CCDC88C: variants seen among roughly 807,000 people sequenced by gnomAD.
CCDC88C encodes the protein coiled-coil and HOOK domain protein 88C.
In CCDC88C, 131 loss-of-function variants were observed where a neutral mutation model predicts 198.8. That is an observed-to-expected ratio of 0.66 (90% CI 0.57 to 0.76). The LOEUF (loss-of-function observed/expected upper bound fraction) is 0.76. Among genes scored for constraint, CCDC88C ranks in the 30% least tolerant of loss-of-function variants. CCDC88C has a pLI of 0.00. For synonymous variants in CCDC88C, 1,166 were observed against 1,114.7 expected (o/e 1.05, Z -0.92); for missense variants, 2,553 against 2,631.6 (o/e 0.97, Z 0.65).
intron 23 of CCDC88C, among the ~76,000 whole-genome samples, chr14:91,293,339 C>G (rs1596031526): frequency 6.8e-6 from 1 of 147,120 alleles, no homozygotes; most frequent in Non-Finnish European, 1.5e-5. Context: ...CCAAAGCTCA[C>G]CTTCCTGTCC....
intron 3 of CCDC88C, among the ~76,000 whole-genome samples, chr14:91,367,079 A>G (rs1894576595): frequency 6.6e-6 from 1 of 152,252 alleles, no homozygotes; most frequent in South Asian, 2.1e-4. Context: ...AGAAATGGGA[A>G]GAATTATTTT....
chr14:91,369,457 C>T (rs1223757347), intron 3 of CCDC88C, among the ~76,000 whole-genome samples: 1 of 152,212 alleles, frequency 6.6e-6, no homozygotes, highest in African/African-American at 2.4e-5. Context: ...CCACCCACCT[C>T]GGCCTCCCAA....
chr14:91,294,112 A>C, intron 23 of CCDC88C, 61 bp downstream of exon 23: 1 of 1,595,412 alleles, frequency 6.3e-7, no homozygotes, highest in Non-Finnish European at 8.6e-7. Flanking sequence ...GGACCTCCAG[A>C]GACTGAGGAT....
At chr14:91,402,999 G>A (rs1485223815) in intron 3 of CCDC88C, among the ~76,000 whole-genome samples, 1 of 152,114 alleles carries the variant, frequency 6.6e-6, no homozygotes, top group African/African-American at 2.4e-5. Flanking sequence ...TGAGCTGATC[G>A]TAAACTCTAA....
intron 3 of CCDC88C, chr14:91,408,086 T>G (rs184987895): frequency 6.5e-6 from 1 of 153,188 alleles, no homozygotes; most frequent in African/African-American, 2.4e-5. Flanking sequence ...CCTGGGATAT[T>G]AAAGAGCAAA....
Position 91,338,892 on chromosome 14 carries a change from A to C in CCDC88C, c.810-322T>G. 1 of 478,026 alleles carries C rather than the reference A, an allele frequency of 2.1e-6. No homozygotes were observed. Among genetic ancestry groups the C allele is most frequent in the South Asian group, 2.2e-5 (1 of 46,098 alleles). 29.6% of individuals were successfully genotyped at this position (478,026 alleles called of 1,614,324 possible). On this transcript the variant is annotated intron_variant, in intron 8 of 29. Coordinates refer to ENST00000389857, the MANE Select transcript of CCDC88C (RefSeq NM_001080414.4). The surrounding 1 kb of genome is among the most constrained non-coding windows in gnomAD (Gnocchi z 4.8). ...TCCACAGGTGACATCCATCAGCTGC[A>C]GGAAACCTGGGAGAACAGGCTCACC...
intron 12 of CCDC88C, 85 bp downstream of exon 12, chr14:91,324,694 G>T: frequency 6.7e-7 from 1 of 1,492,586 alleles, no homozygotes; most frequent in African/African-American, 1.4e-5. Flanking sequence ...GGGCTAACAT[G>T]GCAGATTCAG....
At position 91,325,501 on chromosome 14, in the gene CCDC88C, A is replaced by AGCAACAAACCCAGTAGCT. The variant is rs1297629353; in HGVS notation, c.1197+391_1197+408dup. On this transcript the variant is annotated intron_variant, in intron 11 of 29. Transcript: ENST00000389857. The surrounding 1 kb of genome is among the most constrained non-coding windows in gnomAD (Gnocchi z 4.1). ...CAGTGGCAGCAGCAACGGCAGTAGC[A>AGCAACAAACCCAGTAGCT]GCAACAAACCCAGTAGCTAAACTAT... Among the ~76,000 whole-genome samples, 6 of 152,346 alleles carry AGCAACAAACCCAGTAGCT rather than the reference A, an allele frequency of 3.9e-5. No individual in the cohort carries two copies. Among genetic ancestry groups the AGCAACAAACCCAGTAGCT allele is most frequent in the Non-Finnish European group, 7.3e-5 (5 of 68,038 alleles).
chr14:91,335,947 G>A lies in CCDC88C; in HGVS notation c.1050+2058C>T, dbSNP rs557974084. On this transcript the variant is annotated intron_variant, in intron 10 of 29. Transcript: ENST00000389857. ...CAGTGGCCTGGACTTAATCAACCAT[G>A]CCCAATTCATCACCTGCGTTGGCGG... 3.3e-5 allele frequency among the ~76,000 whole-genome samples: 5 copies of A among 152,254 alleles called. No homozygotes were observed. In the South Asian group the frequency reaches 1.0e-3, roughly 32 times the overall value.
chr14:91,345,874 T>C (rs1893522328), intron 4 of CCDC88C, among the ~76,000 whole-genome samples: 1 of 152,050 alleles, frequency 6.6e-6, no homozygotes, highest in Admixed American at 6.6e-5. Context: ...TCTCCAAGCC[T>C]CAGTTTCCAC....
chr14:91,367,410 G>C (rs1411292313), intron 3 of CCDC88C, among the ~76,000 whole-genome samples: 1 of 152,224 alleles, frequency 6.6e-6, no homozygotes, highest in East Asian at 1.9e-4. Context: ...AGTCAAGACT[G>C]AAATAGCAGA....
intron 3 of CCDC88C, among the ~76,000 whole-genome samples, chr14:91,376,943 G>A (rs1013572223): frequency 6.6e-6 from 1 of 152,204 alleles, no homozygotes; most frequent in Non-Finnish European, 1.5e-5. Context: ...AACTGCTCCG[G>A]GTGGGCAGAC....
At chr14:91,322,923 T>TTTTTG (rs398039192) in intron 12 of CCDC88C, among the ~76,000 whole-genome samples, 4 of 150,240 alleles carry the variant, frequency 2.7e-5, no homozygotes, top group African/African-American at 9.8e-5. Flanking sequence ...TTTTTTTTTT[T>TTTTTG]GAGACAGAAT....
intron 3 of CCDC88C, among the ~76,000 whole-genome samples, chr14:91,401,102 C>G (rs559349809): frequency 2.2e-4 from 34 of 151,330 alleles, no homozygotes; most frequent in African/African-American, 7.8e-4. Context: ...ATGATACGAG[C>G]CACACTTTAG....
intron 25 of CCDC88C, among the ~76,000 whole-genome samples, chr14:91,286,899 G>C (rs181292907): frequency 6.6e-6 from 1 of 152,176 alleles, no homozygotes; most frequent in African/African-American, 2.4e-5. Flanking sequence ...GGGAGGCCAC[G>C]TCCACCTGCC....
At chr14:91,375,809 TG>T (rs1329400068) in intron 3 of CCDC88C, among the ~76,000 whole-genome samples, 6 of 151,918 alleles carry the variant, frequency 3.9e-5, no homozygotes, top group South Asian at 2.1e-4. Context: ...TCAGGGCGAG[TG>T]GGGGGCAAAT....
chr14:91,409,346 T>A (rs1304511003), intron 2 of CCDC88C, among the ~76,000 whole-genome samples: 4 of 151,808 alleles, frequency 2.6e-5, no homozygotes, highest in Non-Finnish European at 5.9e-5. Flanking sequence ...AGCTAATTTT[T>A]TTTTAATTTT....
chr14:91,286,324 G>T (rs1890408492), intron 25 of CCDC88C, among the ~76,000 whole-genome samples: 1 of 152,114 alleles, frequency 6.6e-6, no homozygotes, highest in Non-Finnish European at 1.5e-5. Context: ...TCTACCTGAA[G>T]TATTCACTAA....
chr14:91,304,071 A>T, intron 19 of CCDC88C, 93 bp from the exon 20 acceptor site: 1 of 1,446,966 alleles, frequency 6.9e-7, no homozygotes, highest in Non-Finnish European at 9.4e-7. Context: ...ACACGAAAAT[A>T]GCCGGGACCC....
Sources: allele counts gnomAD v4.1 joint callset (sites outside exome capture counted in the v4.1 genomes callset), GRCh38; gene constraint gnomAD v4.1.1; non-coding constraint Gnocchi (gnomAD v3.1); transcripts MANE v1.5; gene names NCBI Gene and HGNC (gene_info 2026-07-23, HGNC 2026-07-21).